GALNTL6: variants seen among roughly 807,000 people sequenced by gnomAD.
GALNTL6 encodes polypeptide N-acetylgalactosaminyltransferase-like 6.
In GALNTL6, 46 loss-of-function variants were observed where a neutral mutation model predicts 73.7. That is an observed-to-expected ratio of 0.62 (90% CI 0.49 to 0.80). The LOEUF is 0.80. Ranked by LOEUF, GALNTL6 falls within the 30% of genes least tolerant of loss-of-function variation. The pLI, the probability that GALNTL6 is intolerant of heterozygous loss-of-function variation, is 0.00. For synonymous variants in GALNTL6, 259 were observed against 263.7 expected (o/e 0.98, Z 0.17); for missense variants, 604 against 755.0 (o/e 0.80, Z 2.34).
chr4:172,711,135 G>A (rs961347849), intron 5 of GALNTL6, among the ~76,000 whole-genome samples: 4 of 152,148 alleles, frequency 2.6e-5, no homozygotes, highest in African/African-American at 9.7e-5. Context: ...GCGGTAGGAG[G>A]AATGTGACTG....
chr4:172,125,433 C>T (rs1178219715), intron 2 of GALNTL6, among the ~76,000 whole-genome samples: 2 of 152,170 alleles, frequency 1.3e-5, no homozygotes, highest in Non-Finnish European at 2.9e-5. Flanking sequence ...TAAGAGCAAA[C>T]ACTTCAAGAA....
At chr4:172,627,439 G>A (rs2111085810) in intron 5 of GALNTL6, among the ~76,000 whole-genome samples, 1 of 151,984 alleles carries the variant, frequency 6.6e-6, no homozygotes, top group Admixed American at 6.6e-5. Flanking sequence ...TCGGGATGTT[G>A]GCCTGTGTTT....
At chr4:171,912,494 T>C (rs1737504484) in intron 2 of GALNTL6, among the ~76,000 whole-genome samples, 2 of 152,220 alleles carry the variant, frequency 1.3e-5, no homozygotes, top group South Asian at 4.1e-4. Flanking sequence ...TATGTGATGA[T>C]AAAATCAGGG....
intron 5 of GALNTL6, among the ~76,000 whole-genome samples, chr4:172,468,090 A>C (rs1197898936): frequency 6.6e-6 from 1 of 151,710 alleles, no homozygotes; most frequent in Non-Finnish European, 1.5e-5. Flanking sequence ...TAAAGTCTTG[A>C]GATGTTACCC....
At chr4:172,812,697 G>T (rs1226416850) in intron 6 of GALNTL6, among the ~76,000 whole-genome samples, 4 of 152,036 alleles carry the variant, frequency 2.6e-5, no homozygotes, top group Non-Finnish European at 4.4e-5. Flanking sequence ...GTTAAGCAGA[G>T]GTTGCATCTT....
chr4:172,488,450 C>T lies in GALNTL6; in HGVS notation c.553+139761C>T, dbSNP rs147542421. Among the ~76,000 whole-genome samples, 244 of 152,258 alleles carry T rather than the reference C, an allele frequency of 1.6e-3. No homozygotes were observed. The East Asian group carries it at 0.017, about 11-fold the overall frequency. On this transcript the variant is annotated intron_variant, in intron 5 of 12. Coordinates refer to ENST00000506823, the MANE Select transcript of GALNTL6 (RefSeq NM_001034845.3). ...GCAGAGATCTTTACTCATACATCTG[C>T]GGGTAGCTGCTGGCCATTAGCCGGA...
intron 2 of GALNTL6, among the ~76,000 whole-genome samples, chr4:171,828,450 A>G (rs923778257): frequency 6.6e-6 from 1 of 152,198 alleles, no homozygotes; most frequent in African/African-American, 2.4e-5. Flanking sequence ...AAGAGTCATG[A>G]CATTACAAGA....
At chr4:172,232,578 C>T (rs1242898596) in intron 3 of GALNTL6, among the ~76,000 whole-genome samples, 1 of 151,994 alleles carries the variant, frequency 6.6e-6, no homozygotes, top group African/African-American at 2.4e-5. Flanking sequence ...CTAGAGAATG[C>T]ACAGTTGAAC....
chr4:173,032,032 A>C (rs1055115192), intron 12 of GALNTL6, among the ~76,000 whole-genome samples: 1 of 152,266 alleles, frequency 6.6e-6, no homozygotes, highest in African/African-American at 2.4e-5. Flanking sequence ...CAACTTGTGC[A>C]AGGCCCTGAG....
At chr4:172,256,419 A>G (rs573536492) in intron 3 of GALNTL6, among the ~76,000 whole-genome samples, 1 of 151,624 alleles carries the variant, frequency 6.6e-6, no homozygotes, top group African/African-American at 2.4e-5. Context: ...CATAGCTCAA[A>G]CTATGTTAGT....
chr4:172,131,254 T>C (rs1459682202), intron 2 of GALNTL6, among the ~76,000 whole-genome samples: 1 of 151,394 alleles, frequency 6.6e-6, no homozygotes, highest in East Asian at 1.9e-4. Context: ...ACGAAATCTC[T>C]TCCTTTTTGT....
chr4:172,117,393 T>C (rs1009203075), intron 2 of GALNTL6, among the ~76,000 whole-genome samples: 2 of 152,190 alleles, frequency 1.3e-5, no homozygotes, highest in Non-Finnish European at 2.9e-5. Context: ...GTCCTTATTA[T>C]GTGACAGGCA....
intron 2 of GALNTL6, among the ~76,000 whole-genome samples, chr4:172,028,854 A>G (rs1195810288): frequency 6.6e-6 from 1 of 152,064 alleles, no homozygotes; most frequent in African/African-American, 2.4e-5. Context: ...AGTATTTTAA[A>G]GCTGACATTT....
At chr4:172,752,446 G>A (rs747418950) in intron 5 of GALNTL6, among the ~76,000 whole-genome samples, 4 of 151,930 alleles carry the variant, frequency 2.6e-5, no homozygotes, top group Non-Finnish European at 5.9e-5. Flanking sequence ...ACATTAAATA[G>A]TAAATGTTAT....
chr4:172,748,617 A>AT (rs1463459836), intron 5 of GALNTL6, among the ~76,000 whole-genome samples: 5 of 152,154 alleles, frequency 3.3e-5, no homozygotes, highest in Non-Finnish European at 7.3e-5. Flanking sequence ...TTACGGGTAG[A>AT]TACAGTAAGG....
chr4:172,584,122 A>G (rs1209774415), intron 5 of GALNTL6, among the ~76,000 whole-genome samples: 1 of 151,796 alleles, frequency 6.6e-6, no homozygotes, highest in African/African-American at 2.4e-5. Context: ...ACAGGGACAA[A>G]TAAGTAATTG....
chr4:172,252,287 G>C (rs370525159), intron 3 of GALNTL6, among the ~76,000 whole-genome samples: 1 of 151,962 alleles, frequency 6.6e-6, no homozygotes, highest in African/African-American at 2.4e-5. Flanking sequence ...CAAGGCTCTT[G>C]GCAGAAATAA....
At chr4:172,751,585 C>T (rs1737425485) in intron 5 of GALNTL6, among the ~76,000 whole-genome samples, 1 of 152,178 alleles carries the variant, frequency 6.6e-6, no homozygotes, top group South Asian at 2.1e-4. Context: ...GAAGTGATGC[C>T]ACAAGAAGGG....
At chr4:172,256,399 A>T (rs565994057) in intron 3 of GALNTL6, among the ~76,000 whole-genome samples, 1 of 151,660 alleles carries the variant, frequency 6.6e-6, no homozygotes, top group East Asian at 1.9e-4. Flanking sequence ...CCAGAAAGAT[A>T]TATTCAAACC....
Sources: allele counts gnomAD v4.1 joint callset (sites outside exome capture counted in the v4.1 genomes callset), GRCh38; gene constraint gnomAD v4.1.1; transcripts MANE v1.5; gene names NCBI Gene and HGNC (gene_info 2026-07-23, HGNC 2026-07-21).